KCNAB1: variants seen among roughly 807,000 people sequenced by gnomAD.
The protein encoded by KCNAB1 is voltage-gated potassium channel subunit beta-1.
In KCNAB1, 35 loss-of-function variants were observed where a neutral mutation model predicts 64.6. The observed-to-expected ratio is 0.54, with a 90% CI of 0.41 to 0.72. The LOEUF (loss-of-function observed/expected upper bound fraction) is 0.72, where lower values mean the gene tolerates loss of function less well. KCNAB1 is among the 30% of genes least tolerant of loss of function. KCNAB1 has a pLI of 0.00. For missense variants in KCNAB1, 401 were observed against 512.9 expected (o/e 0.78, Z 2.11); for synonymous variants, 177 against 183.8 (o/e 0.96, Z 0.30).
chr3:156,424,668 A>C (rs1715697599), intron 2 of KCNAB1, among the ~76,000 whole-genome samples: 1 of 152,216 alleles, frequency 6.6e-6, no homozygotes, highest in South Asian at 2.1e-4. Context: ...ATAAGTACAC[A>C]GAAAACTCAG....
chr3:156,259,645 G>T (rs1187941687), intron 1 of KCNAB1, among the ~76,000 whole-genome samples: 1 of 152,132 alleles, frequency 6.6e-6, no homozygotes, highest in Non-Finnish European at 1.5e-5. Context: ...CATTGCCTAG[G>T]TTTTGTTGCT....
chr3:156,170,223 T>G (rs1270188874), intron 1 of KCNAB1, among the ~76,000 whole-genome samples: 1 of 148,120 alleles, frequency 6.8e-6, no homozygotes, highest in Non-Finnish European at 1.5e-5. Context: ...AAGGAATCGT[T>G]TTTTTTTTTT....
chr3:156,328,320 G>A (rs73873304), intron 1 of KCNAB1, among the ~76,000 whole-genome samples: 3 of 152,258 alleles, frequency 2.0e-5, no homozygotes, highest in Non-Finnish European at 4.4e-5. Flanking sequence ...TTGAGGAGGA[G>A]CTATAGCAGA....
chr3:156,473,572 C>G (rs114274891), intron 7 of KCNAB1, among the ~76,000 whole-genome samples: 1 of 152,196 alleles, frequency 6.6e-6, no homozygotes, highest in East Asian at 1.9e-4. Flanking sequence ...GCCCTAATCT[C>G]TTCATCAAAG....
At chr3:156,435,577 G>A (rs1272392347) in intron 2 of KCNAB1, among the ~76,000 whole-genome samples, 7 of 152,142 alleles carry the variant, frequency 4.6e-5, no homozygotes, top group Non-Finnish European at 1.5e-5. Context: ...TAAAGCAAGA[G>A]AACCTTCTAA....
At chr3:156,137,956 C>G (rs1714461935) in intron 1 of KCNAB1, among the ~76,000 whole-genome samples, 1 of 152,152 alleles carries the variant, frequency 6.6e-6, no homozygotes, top group African/African-American at 2.4e-5. Context: ...CTGCTCTTTT[C>G]CCAGACTGGG....
chr3:156,483,594 C>T (rs1188767036), intron 8 of KCNAB1, among the ~76,000 whole-genome samples: 1 of 152,100 alleles, frequency 6.6e-6, no homozygotes, highest in African/African-American at 2.4e-5. Context: ...TCACAAGCTA[C>T]TTGCATCTCC....
intron 2 of KCNAB1, among the ~76,000 whole-genome samples, chr3:156,422,228 C>T (rs192121834): frequency 0.012 from 1,870 of 152,326 alleles, 18 homozygotes; most frequent in South Asian, 0.031. Context: ...ATTCTAACAG[C>T]ATAAAGATGA....
chr3:156,484,789 C>G (rs1715079400), intron 8 of KCNAB1, among the ~76,000 whole-genome samples: 1 of 152,106 alleles, frequency 6.6e-6, no homozygotes, highest in African/African-American at 2.4e-5. Flanking sequence ...ACTTTCTGTA[C>G]AAAAGGAAGT....
At chr3:156,152,703 G>T (rs200389675) in intron 1 of KCNAB1, among the ~76,000 whole-genome samples, 27 of 152,286 alleles carry the variant, frequency 1.8e-4, no homozygotes, top group African/African-American at 6.3e-4. Flanking sequence ...GCATTTGAAG[G>T]GTTTGTAACA....
intron 1 of KCNAB1, among the ~76,000 whole-genome samples, chr3:156,333,506 A>G (rs1465839714): frequency 6.6e-6 from 1 of 152,104 alleles, no homozygotes; most frequent in African/African-American, 2.4e-5. Context: ...TTGTGTAGCT[A>G]TATTATAATT....
chr3:156,176,898 T>C, intron 1 of KCNAB1: 1 of 1,112,768 alleles, frequency 9.0e-7, no homozygotes, highest in South Asian at 1.4e-5. Context: ...TGTACGCTTC[T>C]GCTGTTCTAT....
chr3:156,270,250 T>C (rs547321501), intron 1 of KCNAB1, among the ~76,000 whole-genome samples: 1 of 152,152 alleles, frequency 6.6e-6, no homozygotes, highest in African/African-American at 2.4e-5. Flanking sequence ...ACTCTATGTA[T>C]TTTGACTGGA....
intron 1 of KCNAB1, among the ~76,000 whole-genome samples, chr3:156,173,122 C>T (rs1184499787): frequency 6.6e-6 from 1 of 152,202 alleles, no homozygotes; most frequent in Non-Finnish European, 1.5e-5. Context: ...TGTCGGATGC[C>T]TCAAGTCACT....
chr3:156,377,894 AC>A (rs1711812732), intron 1 of KCNAB1, among the ~76,000 whole-genome samples: 1 of 152,164 alleles, frequency 6.6e-6, no homozygotes, highest in Non-Finnish European at 1.5e-5. Context: ...GGTTGCCTCA[AC>A]TTTTCTTCAG....
intron 1 of KCNAB1, among the ~76,000 whole-genome samples, chr3:156,247,951 T>C (rs1168798002): frequency 6.6e-6 from 1 of 152,136 alleles, no homozygotes; most frequent in Admixed American, 6.5e-5. Flanking sequence ...AGGAATCAAC[T>C]CATATAACCG....
At chr3:156,158,129 C>T (rs574347780) in intron 1 of KCNAB1, among the ~76,000 whole-genome samples, 73 of 145,802 alleles carry the variant, frequency 5.0e-4, no homozygotes, top group African/African-American at 1.7e-3. Context: ...AGCGCCACTG[C>T]ACTCCAGCCT....
chr3:156,143,460 CTG>C, intron 1 of KCNAB1: 1 of 1,348,366 alleles, frequency 7.4e-7, no homozygotes, highest in Non-Finnish European at 1.0e-6. Context: ...GGGCACTGCA[CTG>C]ATGTCAAAGG....
rs551139376 is a variant in KCNAB1 at position 156,292,738 on chromosome 3, T to C, written c.276-128878T>C. On this transcript the variant is annotated intron_variant, in intron 1 of 13. Transcript: ENST00000490337. ...TTATGTTTTTAATAGAAAAGAGCTTTCACCATGTTGGCCAGGCTGGTCTCG... is the reference window on the plus strand; with the variant it reads ...TTATGTTTTTAATAGAAAAGAGCTTCCACCATGTTGGCCAGGCTGGTCTCG... Among the ~76,000 whole-genome samples, 5 of 152,336 alleles carry C rather than the reference T, an allele frequency of 3.3e-5. No homozygotes were observed. The South Asian group carries it at 1.0e-3, about 32-fold the overall frequency.
Sources: gnomAD v4.1 joint callset for allele counts (sites outside exome capture counted in the v4.1 genomes callset) on GRCh38, gnomAD v4.1.1 for gene constraint, MANE v1.5 for transcripts, NCBI Gene and HGNC (gene_info 2026-07-23, HGNC 2026-07-21) for gene names.